Variants in CDC14A observed in about 807,000 individuals in gnomAD.
The protein encoded by CDC14A is dual specificity protein phosphatase CDC14A.
CDC14A carries 53 observed loss-of-function variants against 74.4 expected under a neutral mutation model. The observed-to-expected ratio is 0.71, with a 90% CI of 0.57 to 0.89. The LOEUF (loss-of-function observed/expected upper bound fraction) is 0.89. CDC14A is among the 40% of genes least tolerant of loss of function. CDC14A has a pLI of 0.00. For synonymous variants in CDC14A, 247 were observed against 258.4 expected (o/e 0.96, Z 0.43); for missense variants, 646 against 713.7 (o/e 0.91, Z 1.08).
intron 15 of CDC14A, among the ~76,000 whole-genome samples, chr1:100,503,462 C>T (rs1021854228): frequency 6.6e-6 from 1 of 152,218 alleles, no homozygotes; most frequent in African/African-American, 2.4e-5. Flanking sequence ...ATTAGCATCT[C>T]TTTTGAAAGC....
At chr1:100,515,510 A>G (rs1255433568) in intron 15 of CDC14A, among the ~76,000 whole-genome samples, 1 of 151,128 alleles carries the variant, frequency 6.6e-6, no homozygotes. Context: ...CAACCTCCCG[A>G]GTAGCTGGGA....
chr1:100,499,378 G>C, intron 15 of CDC14A, 116 bp downstream of exon 15: 1 of 1,607,160 alleles, frequency 6.2e-7, no homozygotes, highest in East Asian at 2.2e-5. Flanking sequence ...GAAGCCTTCT[G>C]AGCGATGCCT....
At chr1:100,452,477 C>T (rs959477101) in intron 7 of CDC14A, among the ~76,000 whole-genome samples, 1 of 152,160 alleles carries the variant, frequency 6.6e-6, no homozygotes, top group Non-Finnish European at 1.5e-5. Context: ...CACCGTTGCA[C>T]TCCAGCCTGG....
chr1:100,379,102 C>T (rs778571915), intron 3 of CDC14A, among the ~76,000 whole-genome samples: 4 of 151,902 alleles, frequency 2.6e-5, no homozygotes, highest in Admixed American at 6.6e-5. Context: ...ATCTGGGAAC[C>T]GAGTACTATC....
At chr1:100,351,650 A>T, upstream of CDC14A, 1 of 1,134,612 alleles carries the variant, frequency 8.8e-7, no homozygotes, top group Non-Finnish European at 1.3e-6. Context: ...AGGCTGGCTC[A>T]GCGGTCTCGC....
intron 10 of CDC14A, among the ~76,000 whole-genome samples, chr1:100,479,084 G>C (rs943687171): frequency 1.3e-5 from 2 of 152,108 alleles, no homozygotes; most frequent in African/African-American, 4.8e-5. Context: ...ATAGTATTTC[G>C]TAAGTTTCAC....
At chr1:100,510,203 C>T (rs1382758103) in intron 15 of CDC14A, among the ~76,000 whole-genome samples, 2 of 152,228 alleles carry the variant, frequency 1.3e-5, no homozygotes, top group African/African-American at 4.8e-5. Context: ...ACAACTGTAA[C>T]ATTTTTCTAA....
At chr1:100,407,070 G>A (rs952855423) in intron 4 of CDC14A, among the ~76,000 whole-genome samples, 4 of 151,910 alleles carry the variant, frequency 2.6e-5, no homozygotes, top group African/African-American at 9.7e-5. Flanking sequence ...GTCTGTTCTT[G>A]TACCAGTACC....
chr1:100,371,925 G>C (rs1309622448), intron 2 of CDC14A, among the ~76,000 whole-genome samples: 1 of 152,122 alleles, frequency 6.6e-6, no homozygotes, highest in African/African-American at 2.4e-5. Flanking sequence ...AATCAATACT[G>C]GTAGATGCAT....
At chr1:100,475,085 T>G (rs1417351774) in intron 10 of CDC14A, among the ~76,000 whole-genome samples, 7 of 152,144 alleles carry the variant, frequency 4.6e-5, no homozygotes. Context: ...TCTGGGACTC[T>G]CTTCATCATT....
intron 12 of CDC14A, 106 bp downstream of exon 12, chr1:100,495,036 A>G: frequency 1.6e-6 from 1 of 635,948 alleles, no homozygotes; most frequent in Non-Finnish European, 2.8e-6. Flanking sequence ...TTTGTTCTAC[A>G]AATACTAAGT....
intron 2 of CDC14A, chr1:100,362,987 C>T (rs1004644018): frequency 6.6e-6 from 1 of 152,190 alleles, no homozygotes; most frequent in Non-Finnish European, 1.5e-5. Flanking sequence ...TGCAGCTGAC[C>T]GCAACAGGTT....
chr1:100,499,835 G>A (rs1648502058), intron 15 of CDC14A, among the ~76,000 whole-genome samples: 1 of 152,128 alleles, frequency 6.6e-6, no homozygotes, highest in South Asian at 2.1e-4. Flanking sequence ...AGTGGCAAGT[G>A]GAAGATATTT....
intron 2 of CDC14A, among the ~76,000 whole-genome samples, chr1:100,369,489 A>ATGT (rs1325779071): frequency 1.3e-5 from 2 of 152,136 alleles, no homozygotes; most frequent in African/African-American, 4.8e-5. Context: ...ATGATTAGTG[A>ATGT]TGTTGATCAT....
At chr1:100,499,311 T>A in intron 15 of CDC14A, 49 bp downstream of exon 15, 1 of 1,614,160 alleles carries the variant, frequency 6.2e-7, no homozygotes, top group Non-Finnish European at 8.5e-7. Context: ...TGAATGCAAC[T>A]TCTGTGCCTT....
At chr1:100,359,332 A>G (rs1652363957) in intron 2 of CDC14A, among the ~76,000 whole-genome samples, 2 of 152,192 alleles carry the variant, frequency 1.3e-5, no homozygotes, top group Non-Finnish European at 1.5e-5. Flanking sequence ...TATATTGCCT[A>G]AGGTCACTGA....
At chr1:100,433,454 C>T (rs1663955381) in intron 5 of CDC14A, among the ~76,000 whole-genome samples, 1 of 152,106 alleles carries the variant, frequency 6.6e-6, no homozygotes, top group Non-Finnish European at 1.5e-5. Context: ...TGATCCTTTC[C>T]AACCCATTGC....
At chr1:100,392,245 A>G (rs1657815089) in intron 4 of CDC14A, among the ~76,000 whole-genome samples, 2 of 152,202 alleles carry the variant, frequency 1.3e-5, no homozygotes, top group African/African-American at 4.8e-5. Flanking sequence ...TTTTTACCTT[A>G]CATTGATAAT....
Position 100,443,079 on chromosome 1 carries a change from C to T in CDC14A, c.519+83C>T, listed in dbSNP as rs371895795. 9.8e-5 allele frequency: 85 copies of T among 863,324 alleles called. 1 individual carries two copies. Among genetic ancestry groups the T allele is most frequent in the East Asian group, 8.4e-4 (33 of 39,206 alleles). The allele number at this position is 863,324 out of a possible 1,614,324, so 53.5% of individuals were successfully genotyped here. On this transcript the variant is annotated intron_variant, in intron 7 of 15. Coordinates refer to ENST00000336454, the MANE Select transcript of CDC14A (RefSeq NM_003672.4). ...CCTGTCACACTCATGTATTGCAAAT[C>T]GAGTGGGTGCTAAATAAAAGCATTC...
Sources: gnomAD v4.1 joint callset for allele counts (sites outside exome capture counted in the v4.1 genomes callset) on GRCh38, gnomAD v4.1.1 for gene constraint, MANE v1.5 for transcripts, NCBI Gene and HGNC (gene_info 2026-07-23, HGNC 2026-07-21) for gene names.